The following TTC3 variants were observed in gnomAD, a reference collection of about 807,000 sequenced individuals.
TTC3 encodes the protein tetratricopeptide repeat domain 3.
TTC3 carries 180 observed loss-of-function variants against 249.6 expected under a neutral mutation model. The ratio of observed to expected loss-of-function variants is 0.72; its 90% CI spans 0.64 to 0.82. TTC3 has a LOEUF of 0.82. Among genes scored for constraint, TTC3 ranks in the 40% least tolerant of loss-of-function variants. The pLI, the probability that TTC3 is intolerant of heterozygous loss-of-function variation, is 0.00. For missense variants in TTC3, 2,061 were observed against 2,398.4 expected (o/e 0.86, Z 2.94); for synonymous variants, 717 against 805.0 (o/e 0.89, Z 1.85).
At chr21:37,153,477 C>G (rs1428487272) in intron 27 of TTC3, among the ~76,000 whole-genome samples, 200 bp downstream of exon 27, 1 of 152,030 alleles carries the variant, frequency 6.6e-6, no homozygotes, top group Non-Finnish European at 1.5e-5. Flanking sequence ...GAATTTGAGA[C>G]CAACCTGGCA....
At chr21:37,095,471 G>C in intron 9 of TTC3, 27 bp downstream of exon 9, 4 of 1,432,546 alleles carry the variant, frequency 2.8e-6, no homozygotes, top group Non-Finnish European at 2.9e-6. Context: ...CAAAAGAGAT[G>C]CTTTTTCTAT....
At chr21:37,088,127 A>G (rs2072752264) in intron 3 of TTC3, 69 bp from the exon 4 acceptor site, 1 of 1,377,330 alleles carries the variant, frequency 7.3e-7, no homozygotes, top group Middle Eastern at 2.7e-4. Flanking sequence ...TTGCCTTTTT[A>G]CTATTAAGTG....
rs1192057438 is a variant in TTC3, at chr21:37,144,400, A to T, written c.1773-125A>T. On this transcript the variant is annotated intron_variant, in intron 20 of 45. Coordinates refer to ENST00000355666, the Ensembl canonical transcript of TTC3. Reference sequence around the variant, plus strand: ...TTAAAGAAAATTTAGGTTACATTGAATATTGCTGTTCAGTGATTCATCAAA... The same window carrying T: ...TTAAAGAAAATTTAGGTTACATTGATTATTGCTGTTCAGTGATTCATCAAA... 4 of 1,154,138 alleles carry T rather than the reference A, an allele frequency of 3.5e-6. No homozygotes were observed. In the South Asian group the frequency reaches 5.1e-5, roughly 15 times the overall value. The allele number at this position is 1,154,138 out of a possible 1,614,324, so 71.5% of individuals were successfully genotyped here. A position where few individuals can be genotyped will look rare whatever the true frequency, so the allele number is the denominator to read the frequency against.
intron 42 of TTC3, among the ~76,000 whole-genome samples, chr21:37,196,581 G>A (rs2835660): frequency 6.6e-6 from 1 of 152,006 alleles, no homozygotes; most frequent in Non-Finnish European, 1.5e-5. Context: ...AAAACATTGA[G>A]CACTGGGTAA....
intron 6 of TTC3, 103 bp downstream of exon 6, chr21:37,090,389 A>G (rs2073101842): frequency 8.8e-7 from 1 of 1,132,548 alleles, no homozygotes; most frequent in Non-Finnish European, 1.3e-6. Flanking sequence ...AATGTTCTAT[A>G]TGTGGTATTT....
rs542083233 is a variant in TTC3 at position 37,095,391 on chromosome 21, C to G, written c.729C>G (p.Ser243=). ...AAATGAAAGGAAATGAAGAGTTTTCCAAAGAAAGATTTGATATAGCTATTA... is the reference window on the plus strand; with the variant it reads ...AAATGAAAGGAAATGAAGAGTTTTCGAAAGAAAGATTTGATATAGCTATTA... The change falls in exon 9 of 46, where the codon TCC becomes TCG. Residue 243 remains serine (S), a synonymous_variant. Transcript: ENST00000355666. The G allele has an allele frequency of 2.2e-4, 352 of 1,607,272 alleles. 1 individual carries two copies. The South Asian group carries it at 3.7e-3, about 17-fold the overall frequency.
At chr21:37,096,630 A>G in exon 10 of TTC3, 1 of 1,611,918 alleles carries the variant, frequency 6.2e-7, no homozygotes, top group Non-Finnish European at 8.5e-7. Context: ...TTTTCTTCGT[A>G]CTGGACAGTT....
At chr21:37,073,331 G>GCTC in exon 1 of TTC3, 2 of 719,838 alleles carry the variant, frequency 2.8e-6, no homozygotes, top group Non-Finnish European at 3.4e-6. Flanking sequence ...TGCTGCTGCT[G>GCTC]CCCGCGTCCG....
At chr21:37,173,426 G>A (rs145956475) in intron 35 of TTC3, among the ~76,000 whole-genome samples, 2,370 of 152,272 alleles carry the variant, frequency 0.016, 34 homozygotes, top group South Asian at 0.033. Flanking sequence ...CTTGAATTCT[G>A]TTAGTCAAGA....
intron 10 of TTC3, among the ~76,000 whole-genome samples, chr21:37,107,032 T>C (rs896332656): frequency 1.3e-5 from 2 of 152,052 alleles, no homozygotes; most frequent in Non-Finnish European, 2.9e-5. Context: ...TTCTAGTTTC[T>C]CTGTTCTATT....
intron 19 of TTC3, 58 bp from the exon 20 acceptor site, chr21:37,140,503 A>T (rs774076119): frequency 8.2e-7 from 1 of 1,214,548 alleles, no homozygotes; most frequent in Non-Finnish European, 1.1e-6. Flanking sequence ...TTTAGATAAA[A>T]TTTATTTCAG....
chr21:37,107,820 T>G (rs1452503199), intron 10 of TTC3: 2 of 152,512 alleles, frequency 1.3e-5, no homozygotes, highest in Non-Finnish European at 2.9e-5. Flanking sequence ...GCATGGTGGC[T>G]CACACCTGTA....
intron 1 of TTC3, chr21:37,086,867 T>G (rs2072560423): frequency 5.6e-6 from 1 of 177,936 alleles, no homozygotes; most frequent in Non-Finnish European, 1.2e-5. Context: ...AGGGTACAAG[T>G]GCAGCAACAG....
chr21:37,126,876 A>G, intron 15 of TTC3, among the ~76,000 whole-genome samples: 1 of 148,022 alleles, frequency 6.8e-6, no homozygotes, highest in Non-Finnish European at 1.5e-5. Flanking sequence ...TTTTTTTGAG[A>G]CAGATTCTTG....
chr21:37,152,109 A>G, intron 26 of TTC3, 80 bp downstream of exon 26: 2 of 1,339,852 alleles, frequency 1.5e-6, no homozygotes, highest in Non-Finnish European at 2.0e-6. Flanking sequence ...TGGGCCTTAT[A>G]TTCATCATTA....
At chr21:37,179,896 C>G (rs1046115475) in intron 35 of TTC3, among the ~76,000 whole-genome samples, 4 of 152,200 alleles carry the variant, frequency 2.6e-5, no homozygotes, top group Non-Finnish European at 4.4e-5. Flanking sequence ...TGCTTGGCCC[C>G]TGAAAAGCTG....
At chr21:37,153,194 C>T in exon 27 of TTC3, 1 of 1,614,096 alleles carries the variant, frequency 6.2e-7, no homozygotes, top group Non-Finnish European at 8.5e-7. Context: ...AGAGTAAAGA[C>T]AAGAATATTT....
chr21:37,119,417 G>A (rs1432917309), intron 11 of TTC3, among the ~76,000 whole-genome samples: 1 of 152,086 alleles, frequency 6.6e-6, no homozygotes, highest in African/African-American at 2.4e-5. Flanking sequence ...AACCTTTCAG[G>A]TTGTTCTTTC....
In TTC3 at chr21:37,164,265, A is replaced by G. The variant is rs183207666; in HGVS notation, c.3335+50A>G. The G allele has an allele frequency of 2.1e-4, 303 of 1,433,736 alleles. 2 individuals carry two copies. The African/African-American group carries it at 4.0e-3, about 19-fold the overall frequency. 88.8% of individuals were successfully genotyped at this position (1,433,736 alleles called of 1,614,324 possible). A position where few individuals can be genotyped will look rare whatever the true frequency, so the allele number is the denominator to read the frequency against. ...CCATTATTTTATACTAAGGCTGCCAATTAAAGATCAGAAGTTGTTTAATTT... is the reference window on the plus strand; with the variant it reads ...CCATTATTTTATACTAAGGCTGCCAGTTAAAGATCAGAAGTTGTTTAATTT... On this transcript the variant is annotated intron_variant, in intron 32 of 45. Transcript: ENST00000355666.
Sources: allele counts gnomAD v4.1 joint callset (sites outside exome capture counted in the v4.1 genomes callset), GRCh38; gene constraint gnomAD v4.1.1; transcripts MANE v1.5; gene names NCBI Gene and HGNC (gene_info 2026-07-23, HGNC 2026-07-21).